SPATA6L: variants seen among roughly 807,000 people sequenced by gnomAD.
SPATA6L encodes spermatogenesis associated 6-like protein.
Under a neutral mutation model 49.2 loss-of-function variants are expected in SPATA6L, and 68 were observed. The observed-to-expected ratio is 1.38, with a 90% confidence interval of 1.14 to 1.69. SPATA6L has a LOEUF of 1.69. Among genes scored for constraint, SPATA6L ranks in the 40% most tolerant of loss-of-function variants. The pLI is 0.00. For missense variants in SPATA6L, 668 were observed against 464.3 expected (o/e 1.44, Z -4.03); for synonymous variants, 198 against 165.7 (o/e 1.19, Z -1.50).
intron 1 of SPATA6L, chr9:4,665,131 A>G (rs1840674717): frequency 6.0e-6 from 1 of 167,152 alleles, no homozygotes; most frequent in African/African-American, 2.4e-5. Context: ...CTCTTAAAGC[A>G]TAGATCATTT....
At chr9:4,652,649 C>A (rs1422459945) in intron 3 of SPATA6L, among the ~76,000 whole-genome samples, 1 of 151,682 alleles carries the variant, frequency 6.6e-6, no homozygotes, top group Admixed American at 6.6e-5. Context: ...CGAGACCAGT[C>A]TGACCAACAT....
At chr9:4,604,976 G>A in intron 10 of SPATA6L, among the ~76,000 whole-genome samples, 1 of 152,124 alleles carries the variant, frequency 6.6e-6, no homozygotes, top group East Asian at 1.9e-4. Flanking sequence ...ACAAACAACT[G>A]TATTCTTCCC....
In SPATA6L at chr9:4,662,711, G is replaced by T. The variant is rs1175369805; in HGVS notation, c.40-675C>A. Reference sequence around the variant, plus strand: ...GCTCCCTGCTGGCCATCGACCTGTGGCTGTCCAAGAAGCTGGGGGTGTGCG... The same window carrying T: ...GCTCCCTGCTGGCCATCGACCTGTGTCTGTCCAAGAAGCTGGGGGTGTGCG... On this transcript the variant is annotated intron_variant, in intron 1 of 11. Coordinates refer to ENST00000682582, the MANE Select transcript of SPATA6L (RefSeq NM_001353486.2). The surrounding 1 kb of genome is among the most constrained non-coding windows in gnomAD (Gnocchi z 4.9). 1 of 1,602,044 alleles carries T rather than the reference G, an allele frequency of 6.2e-7. No individual in the cohort carries two copies.
chr9:4,654,833 T>C (rs920071063), intron 3 of SPATA6L, among the ~76,000 whole-genome samples: 8 of 151,850 alleles, frequency 5.3e-5, no homozygotes, highest in African/African-American at 1.7e-4. Flanking sequence ...GGGGGCATGG[T>C]GGGCCAGGAT....
At chr9:4,634,689 G>C (rs1004897899) in intron 4 of SPATA6L, among the ~76,000 whole-genome samples, 3 of 152,256 alleles carry the variant, frequency 2.0e-5, no homozygotes, top group East Asian at 1.9e-4. Context: ...AAATCGTCAG[G>C]GTTGCTGTGG....
chr9:4,594,193 T>C (rs1822082975), downstream of SPATA6L, among the ~76,000 whole-genome samples: 1 of 152,108 alleles, frequency 6.6e-6, no homozygotes, highest in Admixed American at 6.5e-5. Flanking sequence ...CTTTCCCAGA[T>C]TGGGAATTGT....
intron 3 of SPATA6L, among the ~76,000 whole-genome samples, chr9:4,645,262 A>G (rs895391065): frequency 6.6e-6 from 1 of 152,246 alleles, no homozygotes; most frequent in Non-Finnish European, 1.5e-5. Flanking sequence ...CAATTTGTAC[A>G]TTAATATTCA....
chr9:4,660,953 T>G (rs1215593760), intron 2 of SPATA6L, among the ~76,000 whole-genome samples: 1 of 152,114 alleles, frequency 6.6e-6, no homozygotes, highest in Admixed American at 6.6e-5. Context: ...ACACCGCATG[T>G]TCTCACTGAT....
intron 5 of SPATA6L, chr9:4,626,590 T>G (rs756403199): frequency 2.3e-6 from 3 of 1,279,468 alleles, no homozygotes; most frequent in Non-Finnish European, 3.1e-6. Context: ...AGTTACTCTG[T>G]CATTTCAGTG....
At chr9:4,610,966 C>T (rs1477670149) in intron 9 of SPATA6L, among the ~76,000 whole-genome samples, 1 of 146,868 alleles carries the variant, frequency 6.8e-6, no homozygotes, top group Non-Finnish European at 1.5e-5. Flanking sequence ...AAACAAACAA[C>T]CCCATCAAAA....
intron 8 of SPATA6L, 116 bp downstream of exon 8, chr9:4,618,748 G>T (rs1828588871): frequency 1.0e-6 from 1 of 956,248 alleles, no homozygotes; most frequent in African/African-American, 1.7e-5. Context: ...CTAAACTACA[G>T]CAATTCCACC....
chr9:4,619,953 T>A (rs542517614), intron 7 of SPATA6L, among the ~76,000 whole-genome samples: 1 of 152,316 alleles, frequency 6.6e-6, no homozygotes, highest in Non-Finnish European at 1.5e-5. Context: ...TCAGCATGGC[T>A]TCCCCCAGTG....
intron 3 of SPATA6L, among the ~76,000 whole-genome samples, chr9:4,648,568 C>G (rs1053370023): frequency 3.8e-4 from 58 of 151,812 alleles, no homozygotes; most frequent in African/African-American, 1.3e-3. Context: ...GGCGTGGTGG[C>G]GGGAGCCTGT....
intron 11 of SPATA6L, among the ~76,000 whole-genome samples, chr9:4,603,916 G>C (rs1824017023): frequency 6.6e-6 from 1 of 152,156 alleles, no homozygotes; most frequent in African/African-American, 2.4e-5. Context: ...TCAAGAAGCT[G>C]AAAGAAGGCC....
chr9:4,618,764 A>T (rs781395134), intron 8 of SPATA6L, 100 bp downstream of exon 8: 5 of 1,080,316 alleles, frequency 4.6e-6, no homozygotes. Context: ...CCACCTAAGC[A>T]GACTAACTAG....
At position 4,609,450 on chromosome 9, in the gene SPATA6L, A is replaced by G. The variant is rs558073420; in HGVS notation, c.996-4010T>C. Among the ~76,000 whole-genome samples, 5 of 152,360 alleles carry G rather than the reference A, an allele frequency of 3.3e-5. No homozygotes were observed. The East Asian group carries it at 7.7e-4, about 23-fold the overall frequency. On this transcript the variant is annotated intron_variant, in intron 9 of 11. Coordinates refer to ENST00000682582, the MANE Select transcript of SPATA6L (RefSeq NM_001353486.2). ...CACATCAAAAAGCTTAACCACCATG[A>G]TCAAGTGGGCTTCATCCCTGGGATG...
At chr9:4,606,042 G>T (rs1208189561) in intron 9 of SPATA6L, among the ~76,000 whole-genome samples, 3 of 150,776 alleles carry the variant, frequency 2.0e-5, no homozygotes, top group African/African-American at 5.0e-5. Flanking sequence ...GTCAAAGAAA[G>T]GGGTGACAGA....
intron 9 of SPATA6L, among the ~76,000 whole-genome samples, chr9:4,612,743 C>T (rs555404454): frequency 6.6e-6 from 1 of 152,258 alleles, no homozygotes; most frequent in South Asian, 2.1e-4. Flanking sequence ...CAGTAAGTAG[C>T]TAATAAATAT....
downstream of SPATA6L, among the ~76,000 whole-genome samples, chr9:4,593,899 T>C (rs1822064157): frequency 2.0e-5 from 3 of 152,160 alleles, no homozygotes. Context: ...TCCCCTCAAA[T>C]ATTTGTGGAA....
Sources: allele counts gnomAD v4.1 joint callset (sites outside exome capture counted in the v4.1 genomes callset), GRCh38; gene constraint gnomAD v4.1.1; non-coding constraint Gnocchi (gnomAD v3.1); transcripts MANE v1.5; gene names NCBI Gene and HGNC (gene_info 2026-07-23, HGNC 2026-07-21).